The following CUX2 variants were observed in gnomAD, a reference collection of about 807,000 sequenced individuals.
CUX2 encodes homeobox protein cut-like 2.
A neutral mutation model predicts 144.8 loss-of-function variants in CUX2; 40 were observed. The observed-to-expected ratio is 0.28, with a 90% CI of 0.21 to 0.36. The LOEUF (loss-of-function observed/expected upper bound fraction) is 0.36, where lower values mean the gene tolerates loss of function less well. Ranked by LOEUF, CUX2 falls within the 10% of genes least tolerant of loss-of-function variation. The probability of loss-of-function intolerance (pLI) is 1.00; values close to 1 mark genes in which losing one functional copy is unlikely to be tolerated. For missense variants in CUX2, 1,615 were observed against 1,994.0 expected, an observed-to-expected ratio of 0.81 and a Z score of 3.62; for synonymous variants, 827 against 875.6, an observed-to-expected ratio of 0.94 and a Z score of 0.98.
At chr12:111,214,620 C>T (rs1881430061) in intron 2 of CUX2, among the ~76,000 whole-genome samples, 1 of 152,142 alleles carries the variant, frequency 6.6e-6, no homozygotes, top group Admixed American at 6.5e-5. Context: ...AGACAATGTG[C>T]CTTAGAGTTC....
intron 21 of CUX2, among the ~76,000 whole-genome samples, chr12:111,343,226 CAG>C (rs1321835891): frequency 6.6e-6 from 1 of 152,084 alleles, no homozygotes; most frequent in African/African-American, 2.4e-5. Flanking sequence ...TCCACCACCT[CAG>C]AGAGTGGGTG....
chr12:111,314,588 G>A (rs567162944), intron 16 of CUX2, among the ~76,000 whole-genome samples: 1 of 145,638 alleles, frequency 6.9e-6, no homozygotes, highest in Non-Finnish European at 1.5e-5. Context: ...TGCAGTAAGC[G>A]GAGATCACAC....
intron 1 of CUX2, among the ~76,000 whole-genome samples, chr12:111,052,539 C>G (rs1334418396): frequency 6.6e-6 from 1 of 151,860 alleles, no homozygotes; most frequent in African/African-American, 2.4e-5. Context: ...GGGTACATAT[C>G]TTTGAGTGTG....
chr12:111,052,798 G>T (rs1254488309), intron 1 of CUX2, among the ~76,000 whole-genome samples: 2 of 152,166 alleles, frequency 1.3e-5, no homozygotes, highest in Non-Finnish European at 2.9e-5. Context: ...ACATCTCCTT[G>T]CCATGCAATT....
At position 111,260,435 on chromosome 12, in the gene CUX2, G is replaced by T. The variant is rs1884056895; in HGVS notation, c.223-3326G>T. On this transcript the variant is annotated intron_variant, in intron 3 of 21. Coordinates refer to ENST00000261726, the MANE Select transcript of CUX2 (RefSeq NM_015267.4). ...GCCAAGATCGTGCCACTGCACTCCA[G>T]CCTGGGCTACAGAGCGAGACTCTGT... Among the ~76,000 whole-genome samples, 4 of 152,114 alleles carry T rather than the reference G, an allele frequency of 2.6e-5. No homozygotes were observed. In the South Asian group the frequency reaches 8.3e-4, roughly 32 times the overall value.
intron 5 of CUX2, 87 bp downstream of exon 5, chr12:111,291,639 G>A (rs896065912): frequency 7.1e-7 from 1 of 1,416,534 alleles, no homozygotes; most frequent in Admixed American, 2.8e-5. Context: ...TTGTTGCGGG[G>A]TGGCTGGGGC....
intron 1 of CUX2, among the ~76,000 whole-genome samples, chr12:111,144,594 C>T (rs1876543129): frequency 6.6e-6 from 1 of 152,246 alleles, no homozygotes; most frequent in Non-Finnish European, 1.5e-5. Context: ...TGCATATTTC[C>T]TCTCCTGTGC....
chr12:111,212,549 T>C (rs1175571432), intron 1 of CUX2, among the ~76,000 whole-genome samples: 1 of 152,200 alleles, frequency 6.6e-6, no homozygotes, highest in African/African-American at 2.4e-5. Flanking sequence ...TTCTATTTTT[T>C]GTAGAGAGGA....
chr12:111,133,400 G>A (rs1406723243), intron 1 of CUX2, among the ~76,000 whole-genome samples: 1 of 152,204 alleles, frequency 6.6e-6, no homozygotes, highest in Non-Finnish European at 1.5e-5. Flanking sequence ...GGTGGCCTCA[G>A]ATTCATGGCA....
intron 1 of CUX2, among the ~76,000 whole-genome samples, chr12:111,204,809 CA>C (rs1282221833): frequency 1.3e-5 from 2 of 152,180 alleles, no homozygotes; most frequent in Non-Finnish European, 2.9e-5. Context: ...CTCTATGGGG[CA>C]GTTGTTATCC....
At chr12:111,151,619 G>A (rs563377481) in intron 1 of CUX2, among the ~76,000 whole-genome samples, 9 of 152,244 alleles carry the variant, frequency 5.9e-5, no homozygotes, top group South Asian at 2.1e-4. Flanking sequence ...GACGACTGAC[G>A]CTTGGCTCCA....
intron 4 of CUX2, among the ~76,000 whole-genome samples, chr12:111,270,007 A>G (rs892303319): frequency 6.6e-6 from 1 of 152,214 alleles, no homozygotes; most frequent in African/African-American, 2.4e-5. Flanking sequence ...ACATTTAAGC[A>G]TAACAAAATG....
intron 1 of CUX2, among the ~76,000 whole-genome samples, chr12:111,080,517 A>T (rs1452272414): frequency 7.4e-6 from 1 of 134,482 alleles, no homozygotes; most frequent in East Asian, 2.0e-4. Flanking sequence ...CTGTCTCTCT[A>T]AAAAAAAAAA....
chr12:111,070,962 A>G (rs1871234454), intron 1 of CUX2, among the ~76,000 whole-genome samples: 1 of 152,138 alleles, frequency 6.6e-6, no homozygotes, highest in African/African-American at 2.4e-5. Context: ...TTAGTGCCAA[A>G]TAATATTCCA....
intron 1 of CUX2, among the ~76,000 whole-genome samples, chr12:111,133,983 A>G (rs1429269269): frequency 6.6e-6 from 1 of 152,174 alleles, no homozygotes; most frequent in East Asian, 1.9e-4. Context: ...CTTTAGCAGC[A>G]GACACCCTAC....
intron 1 of CUX2, among the ~76,000 whole-genome samples, chr12:111,090,358 G>T (rs1375908611): frequency 6.6e-6 from 1 of 152,100 alleles, no homozygotes; most frequent in Non-Finnish European, 1.5e-5. Context: ...CCGCCTCCTG[G>T]GTTCAAGCGA....
Position 111,321,506 on chromosome 12 carries a change from C to T in CUX2, c.2766+731C>T, listed in dbSNP as rs1032198565. Among the ~76,000 whole-genome samples, 5 of 151,530 alleles carry T rather than the reference C, an allele frequency of 3.3e-5. No individual in the cohort carries two copies. In the South Asian group the frequency reaches 8.3e-4, roughly 25 times the overall value. ...AAAAAGTGTTTGGGATCAGCCTGGG[C>T]AATGTAGCAAGACCCCCATCTCTAC... is the stretch of plus-strand genomic sequence containing the variant. On this transcript the variant is annotated intron_variant, in intron 17 of 21. Coordinates refer to ENST00000261726, the MANE Select transcript of CUX2 (RefSeq NM_015267.4).
intron 16 of CUX2, among the ~76,000 whole-genome samples, chr12:111,319,630 G>GCTGA (rs1226765889): frequency 6.6e-6 from 1 of 152,232 alleles, no homozygotes; most frequent in East Asian, 1.9e-4. Flanking sequence ...TACTCAGGAG[G>GCTGA]CTGAGGTAGG....
rs1565894501 is a variant in CUX2 at position 111,289,729 on chromosome 12, G to GC, written c.302-1684dup. Among the ~76,000 whole-genome samples the GC allele has an allele frequency of 6.6e-6, 1 of 151,984 alleles. No homozygotes were observed. Among genetic ancestry groups the GC allele is most frequent in the Non-Finnish European group, 1.5e-5 (1 of 68,006 alleles). On this transcript the variant is annotated intron_variant, in intron 4 of 21. Coordinates refer to ENST00000261726, the MANE Select transcript of CUX2 (RefSeq NM_015267.4). The surrounding 1 kb of genome is among the most constrained non-coding windows in gnomAD (Gnocchi z 4.1). ...CATCTTACATCTAGATGTGTGTTTTGCCCCCGAAAAAGTCCTTAACCAACA... is the reference window on the plus strand; with the variant it reads ...CATCTTACATCTAGATGTGTGTTTTGCCCCCCGAAAAAGTCCTTAACCAACA...
Sources: gnomAD v4.1 joint callset for allele counts (sites outside exome capture counted in the v4.1 genomes callset) on GRCh38, gnomAD v4.1.1 for gene constraint, Gnocchi (gnomAD v3.1) non-coding constraint, MANE v1.5 for transcripts, NCBI Gene and HGNC (gene_info 2026-07-23, HGNC 2026-07-21) for gene names.